OR4D2: variants seen among roughly 807,000 people sequenced by gnomAD.
OR4D2 encodes olfactory receptor 4D2.
Under a neutral mutation model 12.4 loss-of-function variants are expected in OR4D2, and 9 were observed. The ratio of observed to expected loss-of-function variants is 0.73; its 90% CI spans 0.44 to 1.27. OR4D2 has a LOEUF of 1.27. Among genes scored for constraint, OR4D2 ranks in the 50% most tolerant of loss-of-function variants. The pLI, the probability that OR4D2 is intolerant of heterozygous loss-of-function variation, is 0.00. For synonymous variants in OR4D2, 151 were observed against 151.1 expected, an observed-to-expected ratio of 1.00 and a Z score of 0.01; for missense variants, 373 against 381.6, an observed-to-expected ratio of 0.98 and a Z score of 0.19.
At position 58,169,842 on chromosome 17, in the gene OR4D2, C is replaced by T; in HGVS notation, c.187C>T (p.Leu63Phe). 6.2e-7 allele frequency: 1 copy of T among 1,614,188 alleles called. No individual in the cohort carries two copies. ...GCTCCACACACCCATGTACTTTCTGCTCCGAAACCTGGCTGTCCTAGACCT... is the reference window on the plus strand; with the variant it reads ...GCTCCACACACCCATGTACTTTCTGTTCCGAAACCTGGCTGTCCTAGACCT... ...SQLHTPMYFL[L>F]RNLAVLDLCF... is the part of the protein sequence containing the mutation. Residue 63 changes from leucine to phenylalanine, a missense_variant, in exon 2 of 2, where the codon CTC becomes TTC. By Grantham distance (22) the Leu-to-Phe change is conservative. Transcript: ENST00000545221.
chr17:58,169,668 A>G lies in OR4D2; in HGVS notation c.13A>G (p.Asn5Asp), dbSNP rs137860345. 236 of 1,613,750 alleles carry G rather than the reference A, an allele frequency of 1.5e-4. 1 individual carries two copies. In the African/African-American group the frequency reaches 2.0e-3, roughly 14 times the overall value. Residue 5 changes from asparagine to aspartate, a missense_variant, in exon 2 of 2, where the codon AAC becomes GAC. Coordinates refer to ENST00000545221, the MANE Select transcript of OR4D2 (RefSeq NM_001004707.4). ...TGGAGAAAACACCATGGAAACAGGGAACCTCACGTGGGTATCAGACTTTGT... is the reference window on the plus strand; with the variant it reads ...TGGAGAAAACACCATGGAAACAGGGGACCTCACGTGGGTATCAGACTTTGT... METG[N>D]LTWVSDFVFL...
At chr17:58,167,193 T>C (rs2143675794) in intron 1 of OR4D2, 140 bp downstream of exon 1, 1 of 152,360 alleles carries the variant, frequency 6.6e-6, no homozygotes, top group East Asian at 1.9e-4. Context: ...ACTAAGTTAT[T>C]GAATTTACAA....
Position 58,169,764 on chromosome 17 carries a change from A to T in OR4D2, c.109A>T (p.Thr37Ser). 1 of 1,613,814 alleles carries T rather than the reference A, an allele frequency of 6.2e-7. No individual in the cohort carries two copies. The highest frequency in any genetic ancestry group is 8.5e-7 in the Non-Finnish European group (1 of 1,179,810). Reference protein sequence around the residue: ...LFLMFLFVYITTVMGNILIII... With the variant: ...LFLMFLFVYISTVMGNILIII... ...TCTAATGTTCCTGTTTGTCTACATC[A>T]CCACTGTTATGGGAAACATCCTTAT... The change falls in exon 2 of 2, where the codon ACC (threonine) becomes TCC (serine). Residue 37 changes from threonine to serine, a missense_variant. Transcript: ENST00000545221.
Position 58,169,690 on chromosome 17 carries a change from T to G in OR4D2, c.35T>G (p.Phe12Cys). Reference protein sequence around the residue: ...ETGNLTWVSDFVFLGLSQTRE... With the variant: ...ETGNLTWVSDCVFLGLSQTRE... ...GGGAACCTCACGTGGGTATCAGACTTTGTCTTCCTGGGGCTCTCGCAGACT... is the reference window on the plus strand; with the variant it reads ...GGGAACCTCACGTGGGTATCAGACTGTGTCTTCCTGGGGCTCTCGCAGACT... Residue 12 changes from phenylalanine to cysteine, a missense_variant, in exon 2 of 2, where the codon TTT (phenylalanine) becomes TGT (cysteine). By Grantham distance (205) the Phe-to-Cys change is radical. Transcript: ENST00000545221. 1 of 1,614,144 alleles carries G rather than the reference T, an allele frequency of 6.2e-7. No homozygotes were observed.
chr17:58,168,145 AG>A (rs1967913338), intron 1 of OR4D2, among the ~76,000 whole-genome samples: 1 of 137,646 alleles, frequency 7.3e-6, no homozygotes, highest in Admixed American at 7.5e-5. Flanking sequence ...GAGACAGGGC[AG>A]GGGGAGGGGG....
chr17:58,170,088 G>T lies in OR4D2; in HGVS notation c.433G>T (p.Val145Leu), dbSNP rs775846428. ...VMNTQLWVGL[V>L]VATWVGGFVH... ...GAACACTCAGCTCTGGGTGGGGCTG[G>T]TGGTAGCCACCTGGGTGGGAGGCTT... is the stretch of plus-strand genomic sequence containing the variant. Residue 145 changes from valine (V) to leucine (L), a missense_variant, in exon 2 of 2, where the codon GTG becomes TTG. Physicochemically the swap from Val to Leu is conservative, Grantham distance 32. Transcript: ENST00000545221. 3 of 1,614,136 alleles carry T rather than the reference G, an allele frequency of 1.9e-6. No individual in the cohort carries two copies. Among genetic ancestry groups the T allele is most frequent in the Non-Finnish European group, 2.5e-6 (3 of 1,180,038 alleles).
intron 1 of OR4D2, among the ~76,000 whole-genome samples, chr17:58,168,279 T>G (rs957122438): frequency 2.8e-4 from 43 of 151,910 alleles, no homozygotes; most frequent in Admixed American, 2.0e-3. Context: ...TGACCTCCAC[T>G]CACTGCAGCC....
chr17:58,167,536 A>C (rs1967903535), intron 1 of OR4D2, among the ~76,000 whole-genome samples: 1 of 152,176 alleles, frequency 6.6e-6, no homozygotes, highest in Non-Finnish European at 1.5e-5. Flanking sequence ...TCTTGTATGA[A>C]ATGCTGAGAG....
In OR4D2 at chr17:58,169,655, C is replaced by T; in HGVS notation, c.-1C>T. 6.2e-7 allele frequency: 1 copy of T among 1,612,344 alleles called. No individual in the cohort carries two copies. Among genetic ancestry groups the T allele is most frequent in the Non-Finnish European group, 8.5e-7 (1 of 1,178,414 alleles). ...TTCTTCAGGTGTATGGAGAAAACAC[C>T]ATGGAAACAGGGAACCTCACGTGGG... On this transcript the variant is annotated 5_prime_UTR_variant, in exon 2 of 2. Coordinates refer to ENST00000545221, the MANE Select transcript of OR4D2 (RefSeq NM_001004707.4).
rs374817216 is a variant in OR4D2 at position 58,167,830 on chromosome 17, A to G, written c.-19+777A>G. On this transcript the variant is annotated intron_variant, in intron 1 of 1. Transcript: ENST00000545221. ...GAGATCGAGACCATCCTGCTAACAC[A>G]GTGAAACCGTGTTACAAAAAAAATT... Among the ~76,000 whole-genome samples, 2 of 151,584 alleles carry G rather than the reference A, an allele frequency of 1.3e-5. 1 individual carries two copies.
In OR4D2 at chr17:58,170,027, T is replaced by C; in HGVS notation, c.372T>C (p.Ile124=). The C allele has an allele frequency of 6.2e-7, 1 of 1,614,124 alleles. No homozygotes were observed. The highest frequency in any genetic ancestry group is 8.5e-7 in the Non-Finnish European group (1 of 1,180,024). The change falls in exon 2 of 2, where the codon ATT becomes ATC. Residue 124 remains isoleucine (I), a synonymous_variant. Coordinates refer to ENST00000545221, the MANE Select transcript of OR4D2 (RefSeq NM_001004707.4). ...FLSVMAFDRL[I]AISRPLRYVT... ...CAGTGATGGCCTTTGACCGCCTCAT[T>C]GCCATCTCCCGGCCCCTCCGCTATG...
Position 58,170,229 on chromosome 17 carries a change from A to G in OR4D2, c.574A>G (p.Thr192Ala), listed in dbSNP as rs1967946245. The change falls in exon 2 of 2, where the codon ACC becomes GCC. Residue 192 changes from threonine to alanine, a missense_variant. Transcript: ENST00000545221. ...PQVLRLACTD[T>A]SLLEFLKISN... The stretch of plus-strand genomic sequence containing the variant: ...AGTACTGAGACTTGCCTGCACTGAC[A>G]CCTCACTGCTGGAGTTCCTCAAGAT... The G allele has an allele frequency of 6.2e-7, 1 of 1,613,838 alleles. No homozygotes were observed. The highest frequency in any genetic ancestry group is 2.2e-5 in the East Asian group (1 of 44,866).
chr17:58,170,632 G>A lies in OR4D2; in HGVS notation c.*53G>A. The A allele has an allele frequency of 7.2e-7, 1 of 1,380,966 alleles. No homozygotes were observed. The highest frequency in any genetic ancestry group is 1.0e-6 in the Non-Finnish European group (1 of 967,800). The allele number at this position is 1,380,966 out of a possible 1,614,324, so 85.5% of individuals were successfully genotyped here. A position where few individuals can be genotyped will look rare whatever the true frequency, so the allele number is the denominator to read the frequency against. On this transcript the variant is annotated 3_prime_UTR_variant, in exon 2 of 2. Coordinates refer to ENST00000545221, the MANE Select transcript of OR4D2 (RefSeq NM_001004707.4). ...TGGCTTTGTTTTCCCTTTGTGAAGTGGAGAGGGAGCTACTACCTTTGCTCT... is the reference window on the plus strand; with the variant it reads ...TGGCTTTGTTTTCCCTTTGTGAAGTAGAGAGGGAGCTACTACCTTTGCTCT...
rs982904200 is a variant in OR4D2, at chr17:58,170,648, C to T, written c.*69C>T. Reference sequence around the variant, plus strand: ...TTGTGAAGTGGAGAGGGAGCTACTACCTTTGCTCTCTTCATAGTGTGTTGA... The same window carrying T: ...TTGTGAAGTGGAGAGGGAGCTACTATCTTTGCTCTCTTCATAGTGTGTTGA... On this transcript the variant is annotated 3_prime_UTR_variant, in exon 2 of 2. Coordinates refer to ENST00000545221, the MANE Select transcript of OR4D2 (RefSeq NM_001004707.4). 4.1e-5 allele frequency: 49 copies of T among 1,199,782 alleles called. No individual in the cohort carries two copies. Among genetic ancestry groups the T allele is most frequent in the Non-Finnish European group, 6.0e-5 (48 of 804,110 alleles). The allele number at this position is 1,199,782 out of a possible 1,614,324, so 74.3% of individuals were successfully genotyped here.
At chr17:58,169,585 G>A in intron 1 of OR4D2, 53 bp from the exon 2 acceptor site, 1 of 1,313,536 alleles carries the variant, frequency 7.6e-7, no homozygotes, top group East Asian at 2.3e-5. Context: ...CCTGAGCCCT[G>A]AAAGGGAAAG....
chr17:58,167,545 A>C (rs1257228385), intron 1 of OR4D2, among the ~76,000 whole-genome samples: 1 of 152,196 alleles, frequency 6.6e-6, no homozygotes, highest in African/African-American at 2.4e-5. Flanking sequence ...AAATGCTGAG[A>C]GAGAGTTGCA....
Position 58,170,280 on chromosome 17 carries a change from G to A in OR4D2, c.625G>A (p.Val209Ile), listed in dbSNP as rs149114670. Residue 209 changes from valine (V) to isoleucine (I), a missense_variant, in exon 2 of 2, where the codon GTC (valine) becomes ATC (isoleucine). Coordinates refer to ENST00000545221, the MANE Select transcript of OR4D2 (RefSeq NM_001004707.4). ...CTCCAACAGTGGGCTGCTGGATGTC[G>A]TCTGGTTCTTCCTCCTCCTGATGTC... ...KISNSGLLDV[V>I]WFFLLLMSYL... 149 of 1,614,076 alleles carry A rather than the reference G, an allele frequency of 9.2e-5. No individual in the cohort carries two copies. Among genetic ancestry groups the A allele is most frequent in the African/African-American group, 5.2e-4 (39 of 74,922 alleles).
rs1967952498 is a variant in OR4D2, at chr17:58,170,530, A to G, written c.875A>G (p.Gln292Arg). 1 of 1,614,234 alleles carries G rather than the reference A, an allele frequency of 6.2e-7. No individual in the cohort carries two copies. Among genetic ancestry groups the G allele is most frequent in the South Asian group, 1.1e-5 (1 of 91,090 alleles). ...LNPMIYTLRNQDMQAAVRRLG... is the reference protein window; with the variant it reads ...LNPMIYTLRNRDMQAAVRRLG... ...CCCATGATCTATACCCTGAGGAACCAGGACATGCAGGCAGCAGTGAGAAGA... is the reference window on the plus strand; with the variant it reads ...CCCATGATCTATACCCTGAGGAACCGGGACATGCAGGCAGCAGTGAGAAGA... Residue 292 changes from glutamine (Q) to arginine (R), a missense_variant, in exon 2 of 2, where the codon CAG becomes CGG. By Grantham distance (43) the Gln-to-Arg change is conservative. Coordinates refer to ENST00000545221, the MANE Select transcript of OR4D2 (RefSeq NM_001004707.4).
rs115462323 is a variant in OR4D2, at chr17:58,170,568, C to T, written c.913C>T (p.Arg305Trp). The stretch of plus-strand genomic sequence containing the variant: ...AGCAGTGAGAAGATTAGGGAGACAC[C>T]GGCTGGTTTGAGAGTGACAATGGTA... ...QAAVRRLGRHRLV is the reference protein window; with the variant it reads ...QAAVRRLGRHWLV The change falls in exon 2 of 2, where the codon CGG (arginine) becomes TGG (tryptophan). Residue 305 changes from arginine to tryptophan, a missense_variant. By Grantham distance (101) the Arg-to-Trp change is moderately radical. Coordinates refer to ENST00000545221, the MANE Select transcript of OR4D2 (RefSeq NM_001004707.4). 2.5e-5 allele frequency: 41 copies of T among 1,613,660 alleles called. No homozygotes were observed. Among genetic ancestry groups the T allele is most frequent in the East Asian group, 2.0e-4 (9 of 44,876 alleles).
Sources: gnomAD v4.1 joint callset for allele counts (sites outside exome capture counted in the v4.1 genomes callset) on GRCh38, gnomAD v4.1.1 for gene constraint, MANE v1.5 for transcripts, NCBI Gene and HGNC (gene_info 2026-07-23, HGNC 2026-07-21) for gene names.